The following CCDC92B variants were observed in gnomAD, a reference collection of about 807,000 sequenced individuals.
CCDC92B encodes the protein coiled-coil domain-containing 92B.
Under a neutral mutation model 5.6 loss-of-function variants are expected in CCDC92B, and 2 were observed. The observed-to-expected ratio is 0.36, with a 90% CI of 0.15 to 1.12. The LOEUF is 1.12. CCDC92B is among the 50% of genes most tolerant of loss of function. The pLI, the probability that CCDC92B is intolerant of heterozygous loss-of-function variation, is 0.40. For synonymous variants in CCDC92B, 115 were observed against 122.3 expected (o/e 0.94, Z 0.39); for missense variants, 271 against 262.2 (o/e 1.03, Z -0.23).
intron 1 of CCDC92B, among the ~76,000 whole-genome samples, chr17:2,740,376 C>G (rs1162296961): frequency 1.3e-5 from 2 of 151,890 alleles, no homozygotes; most frequent in Admixed American, 1.3e-4. Flanking sequence ...AGGCAAAACC[C>G]TGAGGCTGGG....
At position 2,724,142 on chromosome 17, in the gene CCDC92B, T is replaced by C; in HGVS notation, c.*269A>G. ...ACAGGCAGGTGGGACCAGGCCAGGA[T>C]CGGGACGGCGAGTCCTCTCGGTAGA... On this transcript the variant is annotated 3_prime_UTR_variant, in exon 4 of 4. Transcript: ENST00000614400. This position sits in a 1 kb window ranked among gnomAD's most constrained non-coding sequence, Gnocchi z 5.0. 1 of 984,964 alleles carries C rather than the reference T, an allele frequency of 1.0e-6. No homozygotes were observed. The highest frequency in any genetic ancestry group is 1.2e-6 in the Non-Finnish European group (1 of 829,810). The allele number at this position is 984,964 out of a possible 1,614,324, so 61.0% of individuals were successfully genotyped here. A position where few individuals can be genotyped will look rare whatever the true frequency, so the allele number is the denominator to read the frequency against.
At chr17:2,736,335 G>A (rs1372871414) in intron 1 of CCDC92B, among the ~76,000 whole-genome samples, 1 of 152,084 alleles carries the variant, frequency 6.6e-6, no homozygotes, top group African/African-American at 2.4e-5. Flanking sequence ...GCTGAGGCAG[G>A]AGAATGGCTT....
At chr17:2,727,669 C>CA (rs763009388) in intron 3 of CCDC92B, among the ~76,000 whole-genome samples, 1 of 152,112 alleles carries the variant, frequency 6.6e-6, no homozygotes, top group East Asian at 1.9e-4. Flanking sequence ...ACTAAAAATA[C>CA]AAAAATTAGC....
chr17:2,739,164 G>A (rs140030465), intron 1 of CCDC92B, among the ~76,000 whole-genome samples: 15,271 of 149,736 alleles, frequency 0.1, 1,094 homozygotes, highest in Admixed American at 0.19. Context: ...TCAGGAGATC[G>A]AGACCATCCT....
chr17:2,745,982 T>C (rs2070981184), intron 1 of CCDC92B, among the ~76,000 whole-genome samples: 1 of 152,088 alleles, frequency 6.6e-6, no homozygotes, highest in African/African-American at 2.4e-5. Context: ...CTCCTTCTCC[T>C]TCTTTTTTTT....
At chr17:2,739,288 AC>A (rs1237732569) in intron 1 of CCDC92B, among the ~76,000 whole-genome samples, 2 of 150,968 alleles carry the variant, frequency 1.3e-5, no homozygotes, top group Admixed American at 1.3e-4. Context: ...AATTGTTTGA[AC>A]CAGGGAGTCA....
Position 2,723,980 on chromosome 17 carries a change from G to A in CCDC92B, c.*431C>T, listed in dbSNP as rs2070690549. ...GCGTCGGCGCGGGGGTGGGGGAGGCGGGGGGTGGGGAGCTAGAGGGCCTGG... is the reference window on the plus strand; with the variant it reads ...GCGTCGGCGCGGGGGTGGGGGAGGCAGGGGGTGGGGAGCTAGAGGGCCTGG... On this transcript the variant is annotated 3_prime_UTR_variant, in exon 4 of 4. Coordinates refer to ENST00000614400, the MANE Select transcript of CCDC92B (RefSeq NM_001355573.2). 10 of 957,278 alleles carry A rather than the reference G, an allele frequency of 1.0e-5. No homozygotes were observed. Among genetic ancestry groups the A allele is most frequent in the Non-Finnish European group, 1.2e-5 (10 of 805,788 alleles). The allele number at this position is 957,278 out of a possible 1,614,324, so 59.3% of individuals were successfully genotyped here.
In CCDC92B at chr17:2,724,708, G is replaced by C; in HGVS notation, c.471C>G (p.Gly157=). ...GCCTGGGCTCGGCGGTGGCGCCGGGGCCCGGGCGCGGGGCCTGCAGTCTCT... is the reference window on the plus strand; with the variant it reads ...GCCTGGGCTCGGCGGTGGCGCCGGGCCCCGGGCGCGGGGCCTGCAGTCTCT... ...ARQRLQAPRP[G]PGATAEPRPR... The change falls in exon 4 of 4, where the codon GGC becomes GGG. Residue 157 remains glycine, a synonymous_variant. Transcript: ENST00000614400. This position sits in a 1 kb window ranked among gnomAD's most constrained non-coding sequence, Gnocchi z 5.0. The C allele has an allele frequency of 1.0e-6, 1 of 982,938 alleles. No individual in the cohort carries two copies. Among genetic ancestry groups the C allele is most frequent in the Non-Finnish European group, 1.2e-6 (1 of 828,750 alleles). 60.9% of individuals were successfully genotyped at this position (982,938 alleles called of 1,614,324 possible). A position where few individuals can be genotyped will look rare whatever the true frequency, so the allele number is the denominator to read the frequency against.
At chr17:2,730,562 T>TGTGTGTGTGTGTGTGTGTGTGTGA (rs1278680807) in intron 2 of CCDC92B, 69 bp from the exon 3 acceptor site, 15 of 262,668 alleles carry the variant, frequency 5.7e-5, no homozygotes, top group South Asian at 1.5e-4. Flanking sequence ...TGTGTGTGTG[T>TGTGTGTGTGTGTGTGTGTGTGTGA]GAGAGAGAGA....
intron 1 of CCDC92B, among the ~76,000 whole-genome samples, chr17:2,738,928 G>A (rs150886542): frequency 6.6e-6 from 1 of 151,556 alleles, no homozygotes; most frequent in Non-Finnish European, 1.5e-5. Context: ...AAAATCAGCC[G>A]GGCATGGTGG....
chr17:2,739,886 A>G (rs2070908099), intron 1 of CCDC92B, among the ~76,000 whole-genome samples: 1 of 152,060 alleles, frequency 6.6e-6, no homozygotes, highest in Non-Finnish European at 1.5e-5. Flanking sequence ...ATTGCCAAGC[A>G]CTGTCCTGGG....
chr17:2,746,446 G>A (rs2151746314), intron 1 of CCDC92B, among the ~76,000 whole-genome samples: 1 of 152,222 alleles, frequency 6.6e-6, no homozygotes, highest in Non-Finnish European at 1.5e-5. Context: ...TTTTCCCTTT[G>A]GGGAAGTTGG....
At chr17:2,728,408 C>G (rs187940674) in intron 3 of CCDC92B, among the ~76,000 whole-genome samples, 2 of 151,816 alleles carry the variant, frequency 1.3e-5, no homozygotes, top group Non-Finnish European at 2.9e-5. Flanking sequence ...GAGATCTAGA[C>G]CATCCTGGCT....
intron 2 of CCDC92B, among the ~76,000 whole-genome samples, chr17:2,732,368 T>C (rs530060446): frequency 6.6e-6 from 1 of 152,314 alleles, no homozygotes; most frequent in East Asian, 1.9e-4. Context: ...TATTCAGTCA[T>C]TTCAGCCCCA....
intron 1 of CCDC92B, among the ~76,000 whole-genome samples, chr17:2,744,012 G>A (rs2070955498): frequency 1.3e-5 from 2 of 151,950 alleles, no homozygotes; most frequent in Admixed American, 1.3e-4. Flanking sequence ...CGAGTAGCTG[G>A]GATTGCAGGT....
intron 1 of CCDC92B, among the ~76,000 whole-genome samples, chr17:2,745,856 T>C (rs1050847979): frequency 1.1e-4 from 16 of 152,020 alleles, no homozygotes; most frequent in African/African-American, 3.9e-4. Flanking sequence ...GGGGAAGAGG[T>C]CACACTCCTC....
chr17:2,735,177 G>A lies in CCDC92B; in HGVS notation c.-23-9C>T. Reference sequence around the variant, plus strand: ...CCAGGCCTGGGCCCCACCTAGGGAGGACGACAAGGTGAACCCACCTCTTCT... The same window carrying A: ...CCAGGCCTGGGCCCCACCTAGGGAGAACGACAAGGTGAACCCACCTCTTCT... On this transcript the variant is annotated splice_polypyrimidine_tract_variant and intron_variant, in intron 1 of 3. Coordinates refer to ENST00000614400, the MANE Select transcript of CCDC92B (RefSeq NM_001355573.2). 1.0e-6 allele frequency: 1 copy of A among 985,620 alleles called. No individual in the cohort carries two copies. The highest frequency in any genetic ancestry group is 1.2e-6 in the Non-Finnish European group (1 of 830,030). 61.1% of individuals were successfully genotyped at this position (985,620 alleles called of 1,614,324 possible). A position where few individuals can be genotyped will look rare whatever the true frequency, so the allele number is the denominator to read the frequency against.
intron 1 of CCDC92B, 63 bp from the exon 2 acceptor site, chr17:2,735,231 C>A: frequency 1.0e-6 from 1 of 974,102 alleles, no homozygotes; most frequent in Non-Finnish European, 1.2e-6. Context: ...CCACCCTCAG[C>A]TCTTTCACTG....
intron 1 of CCDC92B, among the ~76,000 whole-genome samples, chr17:2,740,426 C>T (rs1285156930): frequency 6.6e-6 from 1 of 151,984 alleles, no homozygotes; most frequent in Non-Finnish European, 1.5e-5. Context: ...CTTTGGGAGG[C>T]TGAGGCAGGC....
Sources: gnomAD v4.1 joint callset for allele counts (sites outside exome capture counted in the v4.1 genomes callset) on GRCh38, gnomAD v4.1.1 for gene constraint, Gnocchi (gnomAD v3.1) non-coding constraint, MANE v1.5 for transcripts, NCBI Gene and HGNC (gene_info 2026-07-23, HGNC 2026-07-21) for gene names.